Variants in ZNF83 observed in about 807,000 individuals in gnomAD.
ZNF83 encodes the protein zinc finger protein 816B.
For synonymous variants in ZNF83, 209 were observed against 213.0 expected (o/e 0.98, Z 0.17); for missense variants, 552 against 629.9 (o/e 0.88, Z 1.32).
chr19:52,649,334 T>C (rs921204933), intron 3 of ZNF83, among the ~76,000 whole-genome samples: 1 of 152,162 alleles, frequency 6.6e-6, no homozygotes, highest in Admixed American at 6.5e-5. Flanking sequence ...TATAAAATGA[T>C]ACAAAAGATC....
At chr19:52,653,737 G>C (rs1408998099) in intron 3 of ZNF83, among the ~76,000 whole-genome samples, 1 of 152,154 alleles carries the variant, frequency 6.6e-6, no homozygotes, top group Non-Finnish European at 1.5e-5. Flanking sequence ...ACACTTGTAA[G>C]GTTTTTCTCC....
chr19:52,647,296 TCA>T (rs1568561663), intron 3 of ZNF83, among the ~76,000 whole-genome samples: 1 of 152,190 alleles, frequency 6.6e-6, no homozygotes, highest in Non-Finnish European at 1.5e-5. Context: ...TTTAAAATTC[TCA>T]GTTTCATCTG....
intron 3 of ZNF83, among the ~76,000 whole-genome samples, chr19:52,645,258 A>G (rs1600222539): frequency 6.6e-6 from 1 of 152,202 alleles, no homozygotes; most frequent in East Asian, 1.9e-4. Context: ...CACTGAAACA[A>G]TCAAACCTCT....
chr19:52,639,607 G>A (rs1037451259), upstream of ZNF83, among the ~76,000 whole-genome samples: 1 of 151,500 alleles, frequency 6.6e-6, no homozygotes, highest in Non-Finnish European at 1.5e-5. Context: ...CGATACAAAC[G>A]AGGTTTCACT....
chr19:52,675,950 G>T (rs190904982), intron 1 of ZNF83, among the ~76,000 whole-genome samples: 2 of 152,240 alleles, frequency 1.3e-5, no homozygotes, highest in Non-Finnish European at 2.9e-5. Context: ...CCACCACTTT[G>T]GGAGGCCGAT....
rs532899564 is a variant in ZNF83, at chr19:52,632,181, C to G, written c.-234+2885G>C. Among the ~76,000 whole-genome samples, 20 of 152,268 alleles carry G rather than the reference C, an allele frequency of 1.3e-4. No homozygotes were observed. In the South Asian group the frequency reaches 3.9e-3, roughly 30 times the overall value. ...ACCTCTATACAGTCTGACAGCAGACCAGACTTTATTAGTCAAATCAGCCAA... is the reference window on the plus strand; with the variant it reads ...ACCTCTATACAGTCTGACAGCAGACGAGACTTTATTAGTCAAATCAGCCAA... On this transcript the variant is annotated intron_variant, in intron 2 of 2. Coordinates refer to ENST00000301096, the Ensembl canonical transcript of ZNF83.
chr19:52,634,638 T>C (rs1162294430), intron 2 of ZNF83, among the ~76,000 whole-genome samples: 1 of 152,132 alleles, frequency 6.6e-6, no homozygotes, highest in Non-Finnish European at 1.5e-5. Flanking sequence ...GGAGAAAAGA[T>C]TTCCCCTTAT....
At chr19:52,661,633 G>T (rs1329400978) in intron 1 of ZNF83, among the ~76,000 whole-genome samples, 1 of 152,212 alleles carries the variant, frequency 6.6e-6, no homozygotes, top group Non-Finnish European at 1.5e-5. Flanking sequence ...CTAATGTGAA[G>T]TCAGGGTTGA....
At chr19:52,626,541 C>T (rs986699417) in intron 2 of ZNF83, among the ~76,000 whole-genome samples, 5 of 152,094 alleles carry the variant, frequency 3.3e-5, no homozygotes, top group African/African-American at 1.2e-4. Flanking sequence ...ATTCTTAGTC[C>T]CCTGGTACCT....
chr19:52,684,800 A>G (rs1373334540), intron 1 of ZNF83, among the ~76,000 whole-genome samples: 1 of 152,112 alleles, frequency 6.6e-6, no homozygotes, highest in African/African-American at 2.4e-5. Context: ...TTTGGGAAAA[A>G]AAAAATGTGA....
At chr19:52,623,518 T>C (rs775026642) in intron 2 of ZNF83, among the ~76,000 whole-genome samples, 5 of 152,142 alleles carry the variant, frequency 3.3e-5, no homozygotes, top group Non-Finnish European at 7.3e-5. Context: ...GGCTGAGACA[T>C]TTTAACCAAA....
exon 3 of ZNF83, chr19:52,612,637 A>G (rs2060143928): frequency 4.9e-6 from 1 of 202,904 alleles, no homozygotes; most frequent in African/African-American, 2.3e-5. Flanking sequence ...TTTAGTATGG[A>G]TTCTCTGATG....
chr19:52,680,726 C>G (rs965292865), intron 1 of ZNF83, among the ~76,000 whole-genome samples: 7 of 141,968 alleles, frequency 4.9e-5, no homozygotes, highest in Non-Finnish European at 9.0e-5. Context: ...CATTCTCCTG[C>G]CTCAGCCTCC....
At chr19:52,645,646 A>C (rs556608551) in intron 3 of ZNF83, among the ~76,000 whole-genome samples, 1 of 152,166 alleles carries the variant, frequency 6.6e-6, no homozygotes, top group African/African-American at 2.4e-5. Flanking sequence ...ATCTCTACTG[A>C]AAATACAAAA....
intron 1 of ZNF83, among the ~76,000 whole-genome samples, chr19:52,677,618 G>GT (rs2061838543): frequency 6.6e-6 from 1 of 152,114 alleles, no homozygotes. Context: ...AATCCCCCTT[G>GT]TAGATTGCAG....
intron 1 of ZNF83, among the ~76,000 whole-genome samples, chr19:52,667,015 A>G (rs1014967462): frequency 2.0e-5 from 3 of 152,212 alleles, no homozygotes; most frequent in African/African-American, 7.2e-5. Context: ...GGCCACCTAT[A>G]CCACTTCTAA....
At chr19:52,627,386 G>A (rs2060784444) in intron 2 of ZNF83, among the ~76,000 whole-genome samples, 1 of 152,130 alleles carries the variant, frequency 6.6e-6, no homozygotes, top group Non-Finnish European at 1.5e-5. Flanking sequence ...TGGGGGCCAG[G>A]TGTTGTGGTT....
exon 3 of ZNF83, chr19:52,614,654 G>A: frequency 7.2e-7 from 1 of 1,382,340 alleles, no homozygotes; most frequent in Non-Finnish European, 9.4e-7. Flanking sequence ...TGAGAGTCAT[G>A]TACATTTTTC....
rs1296406561 is a variant in ZNF83 at position 52,683,530 on chromosome 19, G to GCGCATCCCCTGCTGGT, written c.-283+6912_-283+6913insACCAGCAGGGGATGCG. Among the ~76,000 whole-genome samples, 2 of 83,620 alleles carry GCGCATCCCCTGCTGGT rather than the reference G, an allele frequency of 2.4e-5. 1 individual carries two copies. Among genetic ancestry groups the GCGCATCCCCTGCTGGT allele is most frequent in the African/African-American group, 1.5e-4 (2 of 13,710 alleles). 54.9% of individuals were successfully genotyped at this position (83,620 alleles called of 152,430 possible). ...CTTCCTGAAGGGAATCCAAAGGGAA[G>GCGCATCCCCTGCTGGT]GGCAAAGTCCCTGCCCATAATGGCC... On this transcript the variant is annotated intron_variant, in intron 1 of 5. Coordinates refer to the ZNF83 transcript ENST00000594682.
Sources: allele counts gnomAD v4.1 joint callset (sites outside exome capture counted in the v4.1 genomes callset), GRCh38; gene constraint gnomAD v4.1.1; transcripts MANE v1.5; gene names NCBI Gene and HGNC (gene_info 2026-07-23, HGNC 2026-07-21).